Variants in CDC25C observed in about 807,000 individuals in gnomAD.
CDC25C encodes cell division cycle 25C, also known as M-phase inducer phosphatase 3.
A neutral mutation model predicts 52.5 loss-of-function variants in CDC25C; 48 were observed. The observed-to-expected ratio is 0.91, with a 90% CI of 0.72 to 1.16. CDC25C has a LOEUF of 1.16. Among genes scored for constraint, CDC25C ranks in the 50% most tolerant of loss-of-function variants. The probability of loss-of-function intolerance (pLI) is 0.00; values close to 1 mark genes in which losing one functional copy is unlikely to be tolerated. For synonymous variants in CDC25C, 187 were observed against 206.5 expected, an observed-to-expected ratio of 0.91 and a Z score of 0.81; for missense variants, 510 against 566.1, an observed-to-expected ratio of 0.90 and a Z score of 1.01.
chr5:138,315,394 G>C (rs934546238), intron 7 of CDC25C, among the ~76,000 whole-genome samples: 1 of 151,988 alleles, frequency 6.6e-6, no homozygotes, highest in African/African-American at 2.4e-5. Context: ...GGCATCCACT[G>C]GGGGGTCTCA....
At chr5:138,311,341 C>T (rs748748324) in intron 7 of CDC25C, among the ~76,000 whole-genome samples, 3 of 152,176 alleles carry the variant, frequency 2.0e-5, no homozygotes, top group Admixed American at 1.3e-4. Context: ...CACCTGTAAT[C>T]GCAGCACCTT....
chr5:138,330,314 C>G (rs981161665), intron 2 of CDC25C, among the ~76,000 whole-genome samples: 1 of 151,910 alleles, frequency 6.6e-6, no homozygotes, highest in East Asian at 1.9e-4. Context: ...CCTAGTTTTT[C>G]TCAGGTACTA....
chr5:138,286,111 C>T lies in CDC25C; in HGVS notation c.1183G>A (p.Asp395Asn). The T allele has an allele frequency of 6.2e-7, 1 of 1,613,902 alleles. No homozygotes were observed. The highest frequency in any genetic ancestry group is 8.5e-7 in the Non-Finnish European group (1 of 1,179,812). The change falls in exon 13 of 14, where the codon GAC becomes AAC. Residue 395 changes from aspartate to asparagine, a missense_variant. By Grantham distance (23) the Asp-to-Asn change is conservative. Coordinates refer to ENST00000323760, the MANE Select transcript of CDC25C (RefSeq NM_001790.5). ...GCAGGATACTGGTTCAGAGACCTGT[C>T]CTCTTCACGCAGACAGCGGCACCTT... ...PRMCRCLREE[D>N]RSLNQYPALY...
upstream of CDC25C, among the ~76,000 whole-genome samples, chr5:138,333,212 C>CTT (rs1274736840): frequency 2.0e-5 from 3 of 152,188 alleles, no homozygotes; most frequent in Non-Finnish European, 2.9e-5. Flanking sequence ...CTTGGAAGCT[C>CTT]TTTAAGATGT....
At chr5:138,286,777 T>C in intron 11 of CDC25C, 147 bp from the exon 12 acceptor site, 1 of 661,844 alleles carries the variant, frequency 1.5e-6, no homozygotes, top group Non-Finnish European at 2.5e-6. Flanking sequence ...TAAGTATATC[T>C]CTGTATATAC....
chr5:138,289,677 A>C (rs1756549361), intron 9 of CDC25C, 114 bp from the exon 10 acceptor site: 1 of 743,530 alleles, frequency 1.3e-6, no homozygotes, highest in African/African-American at 1.7e-5. Flanking sequence ...AGAGGCCTTC[A>C]AAAAAATCAG....
At chr5:138,291,233 G>A (rs1242961265) in intron 8 of CDC25C, among the ~76,000 whole-genome samples, 1 of 151,664 alleles carries the variant, frequency 6.6e-6, no homozygotes, top group African/African-American at 2.4e-5. Context: ...TTTTAAAGTT[G>A]GGGAGGGTAA....
At chr5:138,319,107 C>T (rs1199879974) in intron 7 of CDC25C, 112 bp downstream of exon 7, 1 of 890,138 alleles carries the variant, frequency 1.1e-6, no homozygotes, top group Non-Finnish European at 1.7e-6. Context: ...GCTGGATTCA[C>T]TAGTTATTTT....
intron 7 of CDC25C, among the ~76,000 whole-genome samples, chr5:138,311,311 G>A (rs967003755): frequency 6.6e-6 from 1 of 152,144 alleles, no homozygotes; most frequent in South Asian, 2.1e-4. Context: ...AAAACATAGG[G>A]AGCTGAGCCC....
rs11567960 is a variant in CDC25C at position 138,330,486 on chromosome 5, A to G, written c.194+501T>C. ...GATTCTCACAAGATCCTAGTAAGAT[A>G]GGAAGCGATTATTATTTCTTTGTCT... On this transcript the variant is annotated intron_variant, in intron 2 of 13. Coordinates refer to ENST00000323760, the MANE Select transcript of CDC25C (RefSeq NM_001790.5). 2.2e-3 allele frequency among the ~76,000 whole-genome samples: 334 copies of G among 152,276 alleles called. 1 individual carries two copies. Among genetic ancestry groups the G allele is most frequent in the South Asian group, 0.01 (49 of 4,830 alleles).
upstream of CDC25C, chr5:138,331,907 G>A: frequency 2.0e-6 from 2 of 985,696 alleles, no homozygotes; most frequent in Non-Finnish European, 2.4e-6. Flanking sequence ...CGCGCGCCCA[G>A]GGCCTCATGG....
intron 6 of CDC25C, 23 bp from the exon 7 acceptor site, chr5:138,319,397 T>C (rs745641412): frequency 6.4e-7 from 1 of 1,570,298 alleles, no homozygotes; most frequent in Non-Finnish European, 8.7e-7. Flanking sequence ...TTGACAACAT[T>C]AAAAACTATT....
At chr5:138,338,223 C>T (rs1292221549) in exon 1 of CDC25C, 4 of 1,259,172 alleles carry the variant, frequency 3.2e-6, no homozygotes, top group Admixed American at 2.3e-5. Flanking sequence ...CGTTGGTTCG[C>T]GCCAGCGCCT....
chr5:138,287,030 A>G (rs565346573), intron 11 of CDC25C, 139 bp downstream of exon 11: 1 of 590,658 alleles, frequency 1.7e-6, no homozygotes, highest in African/African-American at 1.8e-5. Flanking sequence ...TAAAACAATG[A>G]GGACCTCAGC....
rs1486856855 is a variant in CDC25C, at chr5:138,331,741, G to A, written c.-185C>T. The A allele has an allele frequency of 1.0e-6, 1 of 988,758 alleles. No individual in the cohort carries two copies. Among genetic ancestry groups the A allele is most frequent in the Non-Finnish European group, 1.2e-6 (1 of 831,926 alleles). 61.2% of individuals were successfully genotyped at this position (988,758 alleles called of 1,614,324 possible). ...GCAGCTCTGCCTTCCGACTGGGTAG[G>A]CCAACGTCGGACTCAGAGTCTTCCC... On this transcript the variant is annotated 5_prime_UTR_variant, in exon 1 of 14. Transcript: ENST00000323760.
At chr5:138,313,963 T>TTTTTTCTTTCTTTC (rs747937795) in intron 7 of CDC25C, among the ~76,000 whole-genome samples, 1 of 106,378 alleles carries the variant, frequency 9.4e-6, no homozygotes, top group Non-Finnish European at 1.8e-5. Flanking sequence ...CTATGTCCCT[T>TTTTTTCTTTCTTTC]TTTCTTTCTT....
chr5:138,331,863 G>A, upstream of CDC25C: 2 of 985,720 alleles, frequency 2.0e-6, no homozygotes, highest in Non-Finnish European at 2.4e-6. Context: ...ACCTATCCCC[G>A]CTCGCCTCTA....
chr5:138,285,988 T>TA (rs766948873), intron 13 of CDC25C, 34 bp downstream of exon 13: 3 of 1,577,230 alleles, frequency 1.9e-6, no homozygotes, highest in East Asian at 4.5e-5. Flanking sequence ...GTTGAGTTGT[T>TA]AAAGTTTGGC....
intron 7 of CDC25C, among the ~76,000 whole-genome samples, chr5:138,305,829 T>A (rs550814867): frequency 9.1e-4 from 138 of 152,326 alleles, no homozygotes; most frequent in African/African-American, 3.2e-3. Flanking sequence ...GGGAGACAGA[T>A]ATTCCCTTTT....
Sources: gnomAD v4.1 joint callset for allele counts (sites outside exome capture counted in the v4.1 genomes callset) on GRCh38, gnomAD v4.1.1 for gene constraint, MANE v1.5 for transcripts, NCBI Gene and HGNC (gene_info 2026-07-23, HGNC 2026-07-21) for gene names.